DRC5: variants seen among roughly 807,000 people sequenced by gnomAD.
DRC5 encodes the protein T-complex-associated testis-expressed protein 1.
chr6:44,292,914 C>T, the DRC5 span, among the ~76,000 whole-genome samples: 2 of 152,198 alleles, frequency 1.3e-5, no homozygotes, highest in Non-Finnish European at 2.9e-5. Context: ...AGCTGTCTGG[C>T]TCTTTGGCAG....
chr6:44,294,523 T>C, the DRC5 span, among the ~76,000 whole-genome samples: 5 of 151,444 alleles, frequency 3.3e-5, no homozygotes, highest in Non-Finnish European at 5.9e-5. Context: ...GGAGGGTGGA[T>C]TACCTGAGGT....
the DRC5 span, chr6:44,282,531 T>A: frequency 6.3e-7 from 1 of 1,597,156 alleles, no homozygotes; most frequent in Non-Finnish European, 8.5e-7. Flanking sequence ...CTTGTCATCA[T>A]CCACCTTGCT....
the DRC5 span, chr6:44,279,055 C>A: frequency 6.6e-6 from 1 of 152,430 alleles, no homozygotes; most frequent in South Asian, 2.1e-4. Flanking sequence ...AGAGCAGGCA[C>A]TCCTGGACTG....
chr6:44,289,337 A>G, the DRC5 span, among the ~76,000 whole-genome samples: 2 of 152,130 alleles, frequency 1.3e-5, no homozygotes, highest in Admixed American at 1.3e-4. Context: ...GTGCCTGACC[A>G]TGAAATTAAT....
chr6:44,297,077 C>G, the DRC5 span, among the ~76,000 whole-genome samples: 2 of 152,248 alleles, frequency 1.3e-5, no homozygotes, highest in Non-Finnish European at 2.9e-5. Context: ...CCCACCCCTC[C>G]TCCCTACCTT....
chr6:44,292,279 G>A, the DRC5 span, among the ~76,000 whole-genome samples: 2 of 152,168 alleles, frequency 1.3e-5, no homozygotes, highest in African/African-American at 2.4e-5. Context: ...CCTCTGAAAT[G>A]CCTTTCCCAC....
At chr6:44,287,642 G>A in the DRC5 span, 65 of 1,614,168 alleles carry the variant, frequency 4.0e-5, no homozygotes, top group Middle Eastern at 4.9e-4. Context: ...ATGATCCGGC[G>A]CATCCGACGG....
At chr6:44,284,693 T>A in the DRC5 span, among the ~76,000 whole-genome samples, 1 of 152,168 alleles carries the variant, frequency 6.6e-6, no homozygotes, top group Non-Finnish European at 1.5e-5. Flanking sequence ...CTCCTTCAGA[T>A]CCTCCCTGTG....
At chr6:44,293,039 G>C in the DRC5 span, among the ~76,000 whole-genome samples, 2 of 152,158 alleles carry the variant, frequency 1.3e-5, no homozygotes. Flanking sequence ...TTGACCAAAA[G>C]GCTCACAGTT....
At chr6:44,282,700 A>G in the DRC5 span, 1 of 632,606 alleles carries the variant, frequency 1.6e-6, no homozygotes, top group African/African-American at 1.8e-5. Flanking sequence ...AGCATGGCAG[A>G]GTAGTGTAGA....
the DRC5 span, among the ~76,000 whole-genome samples, chr6:44,289,241 T>C: frequency 6.6e-6 from 1 of 151,746 alleles, no homozygotes; most frequent in Non-Finnish European, 1.5e-5. Flanking sequence ...TTCACCATGT[T>C]GGCCAGGCTG....
chr6:44,290,985 T>C, the DRC5 span, among the ~76,000 whole-genome samples: 2 of 152,226 alleles, frequency 1.3e-5, no homozygotes, highest in Non-Finnish European at 2.9e-5. Context: ...TTGGTCTTGC[T>C]GCTGTTTTGT....
At chr6:44,285,679 G>A in the DRC5 span, among the ~76,000 whole-genome samples, 2 of 152,190 alleles carry the variant, frequency 1.3e-5, no homozygotes, top group Non-Finnish European at 1.5e-5. Flanking sequence ...GCTACAGAGG[G>A]CACAAATGAT....
the DRC5 span, among the ~76,000 whole-genome samples, chr6:44,293,199 A>G: frequency 3.3e-5 from 5 of 151,536 alleles, no homozygotes; most frequent in Admixed American, 2.6e-4. Flanking sequence ...TTGAGCCTCT[A>G]GTCTCACATC....
the DRC5 span, among the ~76,000 whole-genome samples, chr6:44,289,550 C>T: frequency 3.9e-5 from 6 of 152,092 alleles, no homozygotes; most frequent in Non-Finnish European, 7.4e-5. Flanking sequence ...GAACAAGACC[C>T]ATGCCCTGCC....
At chr6:44,285,289 G>GA in the DRC5 span, among the ~76,000 whole-genome samples, 1 of 152,142 alleles carries the variant, frequency 6.6e-6, no homozygotes, top group Non-Finnish European at 1.5e-5. Context: ...AGGGGTACCA[G>GA]AAAAAAGTAC....
chr6:44,278,829 C>A, the DRC5 span: 4 of 151,760 alleles, frequency 2.6e-5, no homozygotes, highest in East Asian at 7.7e-4. Flanking sequence ...ACTGAATGTT[C>A]TTGTTTCTCT....
At chr6:44,290,322 AC>A in the DRC5 span, among the ~76,000 whole-genome samples, 1 of 152,120 alleles carries the variant, frequency 6.6e-6, no homozygotes, top group Admixed American at 6.5e-5. Flanking sequence ...ATATCTTCCT[AC>A]ATGGGCTGTA....
At chr6:44,282,095 G>A in the DRC5 span, 1 of 1,606,940 alleles carries the variant, frequency 6.2e-7, no homozygotes, top group Admixed American at 1.7e-5. Flanking sequence ...CACAAGCCCA[G>A]AATAGGTGGC....
Sources: gnomAD v4.1 joint callset for allele counts (sites outside exome capture counted in the v4.1 genomes callset) on GRCh38, gnomAD v4.1.1 for gene constraint, MANE v1.5 for transcripts, NCBI Gene and HGNC (gene_info 2026-07-23, HGNC 2026-07-21) for gene names.